GRIN3A: variants seen among roughly 807,000 people sequenced by gnomAD.
The protein encoded by GRIN3A is glutamate receptor ionotropic, NMDA 3A.
In GRIN3A, 47 loss-of-function variants were observed where a neutral mutation model predicts 92.4. That is an observed-to-expected ratio of 0.51 (90% CI 0.40 to 0.65). GRIN3A has a LOEUF of 0.65. GRIN3A is among the 30% of genes least tolerant of loss of function. The probability of loss-of-function intolerance (pLI) is 0.00; values close to 1 mark genes in which losing one functional copy is unlikely to be tolerated. For missense variants in GRIN3A, 1,324 were observed against 1,393.1 expected (o/e 0.95, Z 0.79); for synonymous variants, 527 against 540.6 (o/e 0.97, Z 0.35).
intron 3 of GRIN3A, among the ~76,000 whole-genome samples, chr9:101,644,950 A>G (rs1414785829): frequency 1.3e-5 from 2 of 151,936 alleles, no homozygotes; most frequent in South Asian, 2.1e-4. Flanking sequence ...TGTAATGATC[A>G]AATCAGGATG....
intron 1 of GRIN3A, among the ~76,000 whole-genome samples, chr9:101,706,880 C>T (rs777693693): frequency 2.0e-4 from 31 of 152,170 alleles, no homozygotes; most frequent in Non-Finnish European, 3.8e-4. Flanking sequence ...TGTCAAATGA[C>T]CAGGTTTTAT....
At chr9:101,627,270 C>T (rs1213241008) in intron 4 of GRIN3A, among the ~76,000 whole-genome samples, 2 of 151,982 alleles carry the variant, frequency 1.3e-5, no homozygotes, top group African/African-American at 4.8e-5. Context: ...TATAATTTTG[C>T]AAATATGAGA....
chr9:101,701,007 G>C (rs1829745657), intron 1 of GRIN3A, among the ~76,000 whole-genome samples: 1 of 152,148 alleles, frequency 6.6e-6, no homozygotes, highest in Admixed American at 6.6e-5. Flanking sequence ...TGGAGTTAGA[G>C]ACACAATTAC....
At chr9:101,616,712 A>G (rs1463612396) in intron 5 of GRIN3A, among the ~76,000 whole-genome samples, 1 of 120,328 alleles carries the variant, frequency 8.3e-6, no homozygotes, top group Non-Finnish European at 1.6e-5. Flanking sequence ...GGACACAGGA[A>G]GGGGAATATC....
chr9:101,717,492 C>T (rs1056334876), intron 1 of GRIN3A, among the ~76,000 whole-genome samples: 13 of 152,092 alleles, frequency 8.5e-5, no homozygotes, highest in Non-Finnish European at 1.8e-4. Flanking sequence ...CCTAAAGAGT[C>T]GTACTTAATG....
chr9:101,592,132 T>C (rs1283736712), intron 6 of GRIN3A: 1 of 152,190 alleles, frequency 6.6e-6, no homozygotes, highest in Non-Finnish European at 1.5e-5. Flanking sequence ...AATTCTCCAG[T>C]TCTCAGGTCA....
intron 2 of GRIN3A, among the ~76,000 whole-genome samples, chr9:101,681,293 A>G (rs1001466162): frequency 1.3e-5 from 2 of 152,234 alleles, no homozygotes; most frequent in South Asian, 2.1e-4. Context: ...TTACTTGCAA[A>G]GCTTTTATAC....
intron 2 of GRIN3A, among the ~76,000 whole-genome samples, chr9:101,672,914 A>C (rs902206275): frequency 3.3e-5 from 5 of 152,156 alleles, no homozygotes; most frequent in African/African-American, 1.2e-4. Flanking sequence ...AAATATACAG[A>C]TTAATCAATT....
At chr9:101,706,532 C>T (rs181088821) in intron 1 of GRIN3A, among the ~76,000 whole-genome samples, 49 of 152,284 alleles carry the variant, frequency 3.2e-4, no homozygotes, top group African/African-American at 1.1e-3. Context: ...TTAAGAATAT[C>T]AGAATCAGAT....
At chr9:101,604,100 G>C (rs1054464845) in intron 6 of GRIN3A, among the ~76,000 whole-genome samples, 1 of 152,142 alleles carries the variant, frequency 6.6e-6, no homozygotes. Flanking sequence ...CCCAGCATGG[G>C]ACATGGTACG....
chr9:101,595,075 G>C, intron 6 of GRIN3A: 1 of 761,508 alleles, frequency 1.3e-6, no homozygotes, highest in South Asian at 1.8e-5. Context: ...GGGGAGCGGA[G>C]GGAGGGGCGG....
At chr9:101,587,234 C>T (rs763859927) in intron 6 of GRIN3A, among the ~76,000 whole-genome samples, 4 of 150,200 alleles carry the variant, frequency 2.7e-5, no homozygotes, top group South Asian at 2.1e-4. Flanking sequence ...TGCTTGAATC[C>T]GGGAGGCAGA....
chr9:101,653,287 CATA>C (rs896787502), intron 3 of GRIN3A, among the ~76,000 whole-genome samples: 2 of 151,728 alleles, frequency 1.3e-5, no homozygotes, highest in African/African-American at 4.8e-5. Context: ...TCATTATTTT[CATA>C]ATATCATTGT....
At chr9:101,686,315 T>G (rs182210529) in intron 2 of GRIN3A, among the ~76,000 whole-genome samples, 1 of 152,184 alleles carries the variant, frequency 6.6e-6, no homozygotes, top group Admixed American at 6.6e-5. Flanking sequence ...TTGGAGCTTT[T>G]AAATAACTTT....
chr9:101,641,950 G>C (rs569764475), intron 3 of GRIN3A, among the ~76,000 whole-genome samples: 54 of 152,224 alleles, frequency 3.5e-4, no homozygotes, highest in African/African-American at 1.2e-3. Flanking sequence ...ATCTGTTACA[G>C]CAGTATTCAT....
intron 3 of GRIN3A, among the ~76,000 whole-genome samples, chr9:101,642,842 T>C (rs1422356944): frequency 6.6e-6 from 1 of 152,124 alleles, no homozygotes; most frequent in Non-Finnish European, 1.5e-5. Flanking sequence ...CTAATGATTC[T>C]GTTATGAGAA....
In GRIN3A at chr9:101,684,384, T is replaced by C. The variant is rs572094119; in HGVS notation, c.1304+2212A>G. ...CCTCGGCCTCCCAAAGTGCTGGGAT[T>C]ACAGGCGTGAGCCACCGCCCCTGGC... On this transcript the variant is annotated intron_variant, in intron 2 of 8. Coordinates refer to ENST00000361820, the MANE Select transcript of GRIN3A (RefSeq NM_133445.3). Among the ~76,000 whole-genome samples the C allele has an allele frequency of 1.3e-4, 19 of 149,878 alleles. No homozygotes were observed. In the South Asian group the frequency reaches 3.8e-3, roughly 30 times the overall value.
At position 101,717,474 on chromosome 9, in the gene GRIN3A, G is replaced by A. The variant is rs116036529; in HGVS notation, c.699+19807C>T. ...CAAACAGATGGCTACCACACCCGGCGGCTGAAACCTAAAGAGTCGTACTTA... is the reference window on the plus strand; with the variant it reads ...CAAACAGATGGCTACCACACCCGGCAGCTGAAACCTAAAGAGTCGTACTTA... On this transcript the variant is annotated intron_variant, in intron 1 of 8. Coordinates refer to ENST00000361820, the MANE Select transcript of GRIN3A (RefSeq NM_133445.3). 2.8e-3 allele frequency among the ~76,000 whole-genome samples: 425 copies of A among 152,216 alleles called. 1 individual carries two copies. Among genetic ancestry groups the A allele is most frequent in the African/African-American group, 9.7e-3 (402 of 41,526 alleles).
chr9:101,733,479 A>G (rs940639318), intron 1 of GRIN3A, among the ~76,000 whole-genome samples: 3 of 152,224 alleles, frequency 2.0e-5, no homozygotes, highest in African/African-American at 7.2e-5. Context: ...GTCAGCAACA[A>G]TTAGATGCGA....
Sources: gnomAD v4.1 joint callset for allele counts (sites outside exome capture counted in the v4.1 genomes callset) on GRCh38, gnomAD v4.1.1 for gene constraint, MANE v1.5 for transcripts, NCBI Gene and HGNC (gene_info 2026-07-23, HGNC 2026-07-21) for gene names.